The following GALNT13 variants were observed in gnomAD, a reference collection of about 807,000 sequenced individuals.
The protein encoded by GALNT13 is UDP-GalNAc:polypeptide N-acetylgalactosaminyltransferase 13.
In GALNT13, 28 loss-of-function variants were observed where a neutral mutation model predicts 64.2. The observed-to-expected ratio is 0.44, with a 90% CI of 0.32 to 0.60. The LOEUF is 0.60. Among genes scored for constraint, GALNT13 ranks in the 20% least tolerant of loss-of-function variants. The probability of loss-of-function intolerance (pLI) is 0.05; values close to 1 mark genes in which losing one functional copy is unlikely to be tolerated. For missense variants in GALNT13, 577 were observed against 669.8 expected, an observed-to-expected ratio of 0.86 and a Z score of 1.53; for synonymous variants, 214 against 224.6, an observed-to-expected ratio of 0.95 and a Z score of 0.42.
At position 154,168,466 on chromosome 2, in the gene GALNT13, A is replaced by T. The variant is rs1685157457; in HGVS notation, c.311+27961A>T. On this transcript the variant is annotated intron_variant, in intron 4 of 12. Coordinates refer to ENST00000392825, the MANE Select transcript of GALNT13 (RefSeq NM_052917.4). ...AAAAAATACCACTATAGAAACATCT[A>T]AAATAATGTTTGACCAAATGTTTTG... 2.0e-5 allele frequency among the ~76,000 whole-genome samples: 3 copies of T among 152,102 alleles called. No homozygotes were observed. In the South Asian group the frequency reaches 6.2e-4, roughly 32 times the overall value.
chr2:153,888,982 G>C (rs1687368927), intron 1 of GALNT13, among the ~76,000 whole-genome samples: 1 of 151,952 alleles, frequency 6.6e-6, no homozygotes, highest in Non-Finnish European at 1.5e-5. Context: ...TTAGCAATAT[G>C]ATTAATTTTA....
the GALNT13 span, among the ~76,000 whole-genome samples, chr2:153,253,174 G>C: frequency 2.0e-5 from 3 of 150,408 alleles, no homozygotes; most frequent in Admixed American, 6.6e-5. Context: ...TCCTTGAAGA[G>C]GTCCTTCACA....
intron 9 of GALNT13, among the ~76,000 whole-genome samples, chr2:154,314,437 C>T (rs577197677): frequency 6.6e-6 from 1 of 152,230 alleles, no homozygotes; most frequent in African/African-American, 2.4e-5. Context: ...GATTTATACT[C>T]ATTGTCTTAG....
chr2:154,150,787 AT>A (rs1325240958), intron 4 of GALNT13, among the ~76,000 whole-genome samples: 1 of 152,206 alleles, frequency 6.6e-6, no homozygotes, highest in East Asian at 1.9e-4. Flanking sequence ...CCGCTTTATC[AT>A]TTTTTATTGC....
chr2:153,506,355 A>G, the GALNT13 span, among the ~76,000 whole-genome samples: 1 of 152,106 alleles, frequency 6.6e-6, no homozygotes. Flanking sequence ...GTTAGTATTG[A>G]GATGTGAGGT....
At chr2:153,503,043 C>T in the GALNT13 span, among the ~76,000 whole-genome samples, 2 of 152,120 alleles carry the variant, frequency 1.3e-5, no homozygotes, top group Non-Finnish European at 2.9e-5. Flanking sequence ...TCTGTTAACT[C>T]TGCTGATTAT....
the GALNT13 span, among the ~76,000 whole-genome samples, chr2:153,592,330 A>G: frequency 6.6e-6 from 1 of 152,192 alleles, no homozygotes; most frequent in African/African-American, 2.4e-5. Context: ...CAATTTCACT[A>G]CTTGTCTTCT....
At chr2:154,145,080 C>G in intron 4 of GALNT13, among the ~76,000 whole-genome samples, 1 of 111,928 alleles carries the variant, frequency 8.9e-6, no homozygotes, top group Non-Finnish European at 1.9e-5. Flanking sequence ...CTCTATCTAT[C>G]TATCTATCTA....
At chr2:154,369,241 G>A (rs866788797) in intron 9 of GALNT13, among the ~76,000 whole-genome samples, 1 of 151,926 alleles carries the variant, frequency 6.6e-6, no homozygotes, top group African/African-American at 2.4e-5. Context: ...GAGGCAGCAT[G>A]GCACTATAGA....
At chr2:153,985,318 C>A (rs978903715) in intron 3 of GALNT13, among the ~76,000 whole-genome samples, 10 of 151,966 alleles carry the variant, frequency 6.6e-5, no homozygotes, top group Non-Finnish European at 1.5e-4. Context: ...CTCCTGAAGT[C>A]CATTTGGCTG....
chr2:154,328,070 C>A (rs1324420705), intron 9 of GALNT13, among the ~76,000 whole-genome samples: 1 of 152,020 alleles, frequency 6.6e-6, no homozygotes, highest in Non-Finnish European at 1.5e-5. Context: ...TGATAAAATG[C>A]AGTTTAAAGA....
At chr2:154,022,057 T>G (rs2105280618) in intron 3 of GALNT13, among the ~76,000 whole-genome samples, 1 of 152,288 alleles carries the variant, frequency 6.6e-6, no homozygotes, top group East Asian at 1.9e-4. Flanking sequence ...TGAAGCCCAC[T>G]TGATCATGGT....
At chr2:154,168,720 G>A (rs1258896029) in intron 4 of GALNT13, among the ~76,000 whole-genome samples, 1 of 150,588 alleles carries the variant, frequency 6.6e-6, no homozygotes, top group African/African-American at 2.4e-5. Context: ...GTGGGTGCCT[G>A]TAATCCCAGA....
the GALNT13 span, among the ~76,000 whole-genome samples, chr2:153,521,278 T>C: frequency 3.9e-5 from 6 of 152,098 alleles, no homozygotes; most frequent in African/African-American, 1.4e-4. Context: ...ATAAATACCA[T>C]TAGGTTTTTT....
chr2:153,577,704 A>G, the GALNT13 span, among the ~76,000 whole-genome samples: 11 of 151,068 alleles, frequency 7.3e-5, no homozygotes, highest in African/African-American at 2.4e-4. Context: ...CTTTCAGTCC[A>G]CTAACTATTC....
the GALNT13 span, among the ~76,000 whole-genome samples, chr2:153,752,109 T>A: frequency 6.6e-6 from 1 of 151,980 alleles, no homozygotes; most frequent in African/African-American, 2.4e-5. Flanking sequence ...CAAATAAAAC[T>A]AATAAAAACT....
intron 9 of GALNT13, among the ~76,000 whole-genome samples, chr2:154,387,778 T>G (rs1698585523): frequency 6.6e-6 from 1 of 152,170 alleles, no homozygotes; most frequent in Admixed American, 6.5e-5. Context: ...GGCTAAATAG[T>G]GCTTCATTGC....
the GALNT13 span, among the ~76,000 whole-genome samples, chr2:153,192,317 G>C: frequency 1.3e-5 from 2 of 151,902 alleles, no homozygotes; most frequent in African/African-American, 4.8e-5. Context: ...GGAGTATGTT[G>C]CTTAATTTTC....
chr2:154,331,217 T>G (rs1473619333), intron 9 of GALNT13, among the ~76,000 whole-genome samples: 1 of 152,108 alleles, frequency 6.6e-6, no homozygotes, highest in Non-Finnish European at 1.5e-5. Flanking sequence ...GGGAAATATG[T>G]GGCAACAAGC....
Sources: allele counts gnomAD v4.1 joint callset (sites outside exome capture counted in the v4.1 genomes callset), GRCh38; gene constraint gnomAD v4.1.1; transcripts MANE v1.5; gene names NCBI Gene and HGNC (gene_info 2026-07-23, HGNC 2026-07-21).